PKNOX1: variants seen among roughly 807,000 people sequenced by gnomAD.
PKNOX1 encodes homeobox protein PKNOX1.
A neutral mutation model predicts 51.9 loss-of-function variants in PKNOX1; 15 were observed. That is an observed-to-expected ratio of 0.29 (90% CI 0.19 to 0.45). The LOEUF (loss-of-function observed/expected upper bound fraction) is 0.45, where lower values mean the gene tolerates loss of function less well. Among genes scored for constraint, PKNOX1 ranks in the 20% least tolerant of loss-of-function variants. The pLI, the probability that PKNOX1 is intolerant of heterozygous loss-of-function variation, is 1.00. For missense variants in PKNOX1, 462 were observed against 547.5 expected (o/e 0.84, Z 1.56); for synonymous variants, 219 against 211.1 (o/e 1.04, Z -0.32).
chr21:43,018,995 G>T (rs1390411794), intron 7 of PKNOX1, among the ~76,000 whole-genome samples: 1 of 150,960 alleles, frequency 6.6e-6, no homozygotes, highest in African/African-American at 2.4e-5. Flanking sequence ...TGAGGCAGGA[G>T]AATCGCTTGA....
chr21:43,021,279 A>G lies in PKNOX1; in HGVS notation c.721-24A>G, dbSNP rs769096562. On this transcript the variant is annotated intron_variant, in intron 7 of 10. Coordinates refer to ENST00000291547, the MANE Select transcript of PKNOX1 (RefSeq NM_004571.5). This position sits in a 1 kb window ranked among gnomAD's most constrained non-coding sequence, Gnocchi z 4.6. ...TATGTGAGAATTTCCTATGCTTTCT[A>G]ATGTTATTTTTCAACTTTAAAAGCT... The G allele has an allele frequency of 5.1e-6, 8 of 1,570,784 alleles. No individual in the cohort carries two copies. Among genetic ancestry groups the G allele is most frequent in the Admixed American group, 1.8e-5 (1 of 55,732 alleles).
intron 1 of PKNOX1, among the ~76,000 whole-genome samples, chr21:42,993,158 G>C (rs868533275): frequency 6.6e-6 from 1 of 152,124 alleles, no homozygotes; most frequent in Non-Finnish European, 1.5e-5. Context: ...CAAAGACCTC[G>C]TGTCTCGATG....
chr21:43,013,079 A>C lies in PKNOX1; in HGVS notation c.363A>C (p.Ala121=). ...TTTCTCTGCTCTAGATGGTAAAAGC[A>C]ATCCAGGTTTTGCGCATTCATCTTC... ...DPETDNLMVK[A]IQVLRIHLLE... Residue 121 remains alanine, a synonymous_variant, in exon 5 of 11, where the codon GCA becomes GCC. Transcript: ENST00000291547. 1 of 1,608,392 alleles carries C rather than the reference A, an allele frequency of 6.2e-7. No individual in the cohort carries two copies. Among genetic ancestry groups the C allele is most frequent in the Non-Finnish European group, 8.5e-7 (1 of 1,176,936 alleles).
At chr21:42,977,537 CTTTTTTTTTTTTTT>C (rs3044504) in intron 1 of PKNOX1, among the ~76,000 whole-genome samples, 8 of 47,116 alleles carry the variant, frequency 1.7e-4, no homozygotes, top group African/African-American at 6.7e-4. Context: ...CTGCTTCCAA[CTTTTTTTTTTTTTT>C]TTTTTTTTTT....
In PKNOX1 at chr21:43,018,212, T is replaced by C. The variant is rs1979584774; in HGVS notation, c.702T>C (p.Ile234=). The C allele has an allele frequency of 5.0e-6, 8 of 1,613,212 alleles. No individual in the cohort carries two copies. The highest frequency in any genetic ancestry group is 6.8e-6 in the Non-Finnish European group (8 of 1,179,398). ...VVTQTLSPGT[I]RIQNSQLQLQ... is the part of the protein sequence containing the mutation. The stretch of plus-strand genomic sequence containing the variant: ...CACAGACATTGTCGCCTGGGACAAT[T>C]AGGATCCAGAACTCCCAGGTGCGTG... Residue 234 remains isoleucine, a synonymous_variant, in exon 7 of 11, where the codon ATT becomes ATC. Transcript: ENST00000291547.
At chr21:42,991,795 A>T (rs2059089192) in intron 1 of PKNOX1, among the ~76,000 whole-genome samples, 1 of 152,174 alleles carries the variant, frequency 6.6e-6, no homozygotes, top group African/African-American at 2.4e-5. Context: ...GGTAAATCCT[A>T]AAGACAAAAT....
chr21:42,994,147 C>T (rs1021082120), intron 1 of PKNOX1, among the ~76,000 whole-genome samples: 1 of 144,490 alleles, frequency 6.9e-6, no homozygotes, highest in African/African-American at 2.6e-5. Context: ...CTCAAGTGAT[C>T]CCCCTGCCTC....
rs747241819 is a variant in PKNOX1 at position 43,029,975 on chromosome 21, G to T, written c.1185G>T (p.Val395=). 3 of 1,614,094 alleles carry T rather than the reference G, an allele frequency of 1.9e-6. No individual in the cohort carries two copies. The South Asian group carries it at 3.3e-5, about 18-fold the overall frequency. Residue 395 remains valine, a synonymous_variant, in exon 11 of 11, where the codon GTG becomes GTT. Coordinates refer to ENST00000291547, the MANE Select transcript of PKNOX1 (RefSeq NM_004571.5). ...SLSSDGATLA[V]QQVMMAGQSE... is the part of the protein sequence containing the mutation. ...CCTCGGACGGGGCCACCCTGGCGGT[G>T]CAGCAGGTCATGATGGCAGGGCAGA...
At chr21:42,975,670 G>A (rs974555700) in intron 1 of PKNOX1, among the ~76,000 whole-genome samples, 2 of 152,360 alleles carry the variant, frequency 1.3e-5, no homozygotes, top group Non-Finnish European at 1.5e-5. Flanking sequence ...CGGGAGGCCC[G>A]AGGGTCCGGG....
At chr21:42,996,502 T>G (rs559783972) in intron 1 of PKNOX1, among the ~76,000 whole-genome samples, 1 of 152,122 alleles carries the variant, frequency 6.6e-6, no homozygotes, top group African/African-American at 2.4e-5. Flanking sequence ...TCCATCATCC[T>G]TTAAGAAGTT....
At chr21:43,019,196 G>C (rs2605311) in intron 7 of PKNOX1, among the ~76,000 whole-genome samples, 135,682 of 151,660 alleles carry the variant, frequency 0.89, 60,815 homozygotes, top group Non-Finnish European at 0.91. Flanking sequence ...AGTTTGAGGC[G>C]AGCCTGTCCA....
rs1448570093 is a variant in PKNOX1 at position 43,032,741 on chromosome 21, A to G, written c.*2640A>G. 1.3e-5 allele frequency: 2 copies of G among 152,330 alleles called. No homozygotes were observed. Among genetic ancestry groups the G allele is most frequent in the African/African-American group, 2.4e-5 (1 of 41,452 alleles). The allele number at this position is 152,330 out of a possible 1,614,324, so 9.4% of individuals were successfully genotyped here. A position where few individuals can be genotyped will look rare whatever the true frequency, so the allele number is the denominator to read the frequency against. ...TCTCTCCAGCTGCAAACTTTCTTCA[A>G]CTTTCCTAAATTCTTACTAAATTCA... is the stretch of plus-strand genomic sequence containing the variant. On this transcript the variant is annotated 3_prime_UTR_variant, in exon 11 of 11. Coordinates refer to ENST00000291547, the MANE Select transcript of PKNOX1 (RefSeq NM_004571.5).
chr21:42,992,799 A>G (rs1233308637), intron 1 of PKNOX1, among the ~76,000 whole-genome samples: 1 of 123,324 alleles, frequency 8.1e-6, no homozygotes, highest in Non-Finnish European at 1.6e-5. Context: ...GGGTTCTCTC[A>G]CAGCACTGGG....
rs756588262 is a variant in PKNOX1, at chr21:43,028,846, A to G, written c.1071A>G (p.Pro357=). Residue 357 remains proline (P), a synonymous_variant, in exon 10 of 11, where the codon CCA becomes CCG. Transcript: ENST00000291547. The part of the protein sequence containing the change: ...PDSIASGVAQ[P]PPSELTMSEG... ...CTATTGCATCAGGAGTCGCACAGCCACCGCCGAGCGAGCTCACCATGTCGG... is the reference window on the plus strand; with the variant it reads ...CTATTGCATCAGGAGTCGCACAGCCGCCGCCGAGCGAGCTCACCATGTCGG... 3 of 1,614,026 alleles carry G rather than the reference A, an allele frequency of 1.9e-6. No individual in the cohort carries two copies. Among genetic ancestry groups the G allele is most frequent in the Non-Finnish European group, 2.5e-6 (3 of 1,180,034 alleles).
At chr21:43,026,482 GGC>G (rs568356402) in intron 9 of PKNOX1, among the ~76,000 whole-genome samples, 197 of 152,302 alleles carry the variant, frequency 1.3e-3, no homozygotes, top group Admixed American at 1.8e-3. Context: ...TTACAGGCCA[GGC>G]GCGGTGGCTC....
In PKNOX1 at chr21:43,021,556, T is replaced by C. The variant is rs920179032; in HGVS notation, c.849+125T>C. 1 of 1,170,664 alleles carries C rather than the reference T, an allele frequency of 8.5e-7. No homozygotes were observed. 72.5% of individuals were successfully genotyped at this position (1,170,664 alleles called of 1,614,324 possible). On this transcript the variant is annotated intron_variant, in intron 8 of 10. Coordinates refer to ENST00000291547, the MANE Select transcript of PKNOX1 (RefSeq NM_004571.5). The surrounding 1 kb of genome is among the most constrained non-coding windows in gnomAD (Gnocchi z 4.6). ...ATCAAAGGCCTGACTTTCAGGACTT[T>C]GTGGCATGTCCATAATGTGGGGAGC...
rs531088751 is a variant in PKNOX1, at chr21:42,979,616, C to T, written c.-57+4952C>T. On this transcript the variant is annotated intron_variant, in intron 1 of 10. Coordinates refer to ENST00000291547, the MANE Select transcript of PKNOX1 (RefSeq NM_004571.5). The stretch of plus-strand genomic sequence containing the variant: ...AATTAGCTGGGCGTAGTGGCGGGCA[C>T]CTGTATTCTCAGCCACTTGGGAGGC... Among the ~76,000 whole-genome samples the T allele has an allele frequency of 3.3e-5, 5 of 152,214 alleles. No homozygotes were observed. The South Asian group carries it at 6.2e-4, about 19-fold the overall frequency.
intron 1 of PKNOX1, among the ~76,000 whole-genome samples, chr21:43,001,091 G>C (rs888801385): frequency 6.6e-6 from 1 of 152,192 alleles, no homozygotes; most frequent in Non-Finnish European, 1.5e-5. Flanking sequence ...TTATGGTCAA[G>C]GCGGAGTCCT....
chr21:43,003,470 C>G (rs1373523238), intron 1 of PKNOX1, among the ~76,000 whole-genome samples: 1 of 152,208 alleles, frequency 6.6e-6, no homozygotes, highest in Non-Finnish European at 1.5e-5. Context: ...CTCTTTTCCA[C>G]CCGTCTCAGG....
Sources: gnomAD v4.1 joint callset for allele counts (sites outside exome capture counted in the v4.1 genomes callset) on GRCh38, gnomAD v4.1.1 for gene constraint, Gnocchi (gnomAD v3.1) non-coding constraint, MANE v1.5 for transcripts, NCBI Gene and HGNC (gene_info 2026-07-23, HGNC 2026-07-21) for gene names.